The following ZNF804B variants were observed in gnomAD, a reference collection of about 807,000 sequenced individuals.
ZNF804B encodes zinc finger 804B.
A neutral mutation model predicts 101.4 loss-of-function variants in ZNF804B; 80 were observed. The ratio of observed to expected loss-of-function variants is 0.79; its 90% CI spans 0.66 to 0.95. The LOEUF (loss-of-function observed/expected upper bound fraction) is 0.95, where lower values mean the gene tolerates loss of function less well. Among genes scored for constraint, ZNF804B ranks in the 40% least tolerant of loss-of-function variants. The pLI is 0.00. For missense variants in ZNF804B, 1,673 were observed against 1,561.9 expected, an observed-to-expected ratio of 1.07 and a Z score of -1.20; for synonymous variants, 622 against 558.8, an observed-to-expected ratio of 1.11 and a Z score of -1.59.
intron 1 of ZNF804B, among the ~76,000 whole-genome samples, chr7:88,798,071 G>T (rs3814994): frequency 0.53 from 80,097 of 151,770 alleles, 25,137 homozygotes; most frequent in African/African-American, 0.86. Flanking sequence ...TTTTTTAAGA[G>T]TTCTATTTCC....
intron 1 of ZNF804B, among the ~76,000 whole-genome samples, chr7:88,890,301 TCA>T (rs1792197309): frequency 6.6e-6 from 1 of 152,156 alleles, no homozygotes. Flanking sequence ...AGTAAAGTGT[TCA>T]AACAATTTTT....
At chr7:88,884,770 C>T (rs948039675) in intron 1 of ZNF804B, among the ~76,000 whole-genome samples, 1 of 151,590 alleles carries the variant, frequency 6.6e-6, no homozygotes, top group Admixed American at 6.6e-5. Flanking sequence ...AAAATTAAAG[C>T]TTATGAGAAA....
chr7:89,055,048 G>A (rs968439338), intron 1 of ZNF804B, among the ~76,000 whole-genome samples: 6 of 152,210 alleles, frequency 3.9e-5, no homozygotes, highest in African/African-American at 1.4e-4. Flanking sequence ...TATAAACAGA[G>A]TAATGAGTTA....
chr7:89,230,304 A>G (rs1789169825), intron 2 of ZNF804B, among the ~76,000 whole-genome samples: 2 of 73,392 alleles, frequency 2.7e-5, no homozygotes, highest in Admixed American at 2.4e-4. Flanking sequence ...AGACATGGGG[A>G]GGGGGAGAGA....
intron 1 of ZNF804B, among the ~76,000 whole-genome samples, chr7:89,032,144 A>G (rs1788846561): frequency 6.6e-6 from 1 of 152,088 alleles, no homozygotes; most frequent in African/African-American, 2.4e-5. Context: ...GGATTAGTTA[A>G]TCTTTTGCAA....
At chr7:89,284,242 G>A (rs1038934817) in intron 2 of ZNF804B, among the ~76,000 whole-genome samples, 7 of 152,310 alleles carry the variant, frequency 4.6e-5, no homozygotes, top group African/African-American at 1.7e-4. Context: ...ACTTAAAAAT[G>A]CCTTGTGATG....
At chr7:89,157,442 A>T (rs1790994661) in intron 1 of ZNF804B, among the ~76,000 whole-genome samples, 1 of 152,164 alleles carries the variant, frequency 6.6e-6, no homozygotes, top group Admixed American at 6.6e-5. Flanking sequence ...TCTTTGGTGA[A>T]CATATTGTCA....
chr7:88,932,540 C>T (rs149771136), intron 1 of ZNF804B, among the ~76,000 whole-genome samples: 1 of 151,692 alleles, frequency 6.6e-6, no homozygotes, highest in East Asian at 1.9e-4. Context: ...TCCAAATGAG[C>T]TCAATTAAAA....
chr7:88,954,561 C>CCA (rs937429559), intron 1 of ZNF804B, among the ~76,000 whole-genome samples: 1 of 150,462 alleles, frequency 6.6e-6, no homozygotes, highest in Non-Finnish European at 1.5e-5. Flanking sequence ...ACATGCCCCC[C>CCA]CCCCACCACG....
intron 1 of ZNF804B, among the ~76,000 whole-genome samples, chr7:88,994,718 T>A (rs953134884): frequency 6.6e-6 from 1 of 152,114 alleles, no homozygotes; most frequent in African/African-American, 2.4e-5. Context: ...CATCATAGAT[T>A]TGATGCTACA....
intron 2 of ZNF804B, among the ~76,000 whole-genome samples, chr7:89,278,583 C>T (rs1584100490): frequency 6.6e-6 from 1 of 151,994 alleles, no homozygotes; most frequent in African/African-American, 2.4e-5. Context: ...AGCTAGTTTT[C>T]CCAGCACCAT....
intron 1 of ZNF804B, among the ~76,000 whole-genome samples, chr7:89,185,124 A>T (rs530580558): frequency 1.8e-4 from 28 of 152,178 alleles, no homozygotes; most frequent in Non-Finnish European, 4.0e-4. Context: ...ATATTTAAAG[A>T]TAGCAATTAG....
intron 1 of ZNF804B, among the ~76,000 whole-genome samples, chr7:88,988,399 T>A (rs1357807774): frequency 1.3e-5 from 2 of 152,144 alleles, no homozygotes; most frequent in Non-Finnish European, 2.9e-5. Context: ...GATGTGCTGC[T>A]CTATTTTGCA....
intron 2 of ZNF804B, among the ~76,000 whole-genome samples, chr7:89,314,616 C>G (rs150048919): frequency 1.3e-5 from 2 of 152,134 alleles, no homozygotes; most frequent in Non-Finnish European, 2.9e-5. Flanking sequence ...CTTTTCCAAA[C>G]TTAAATAATA....
intron 1 of ZNF804B, among the ~76,000 whole-genome samples, chr7:88,830,239 T>A (rs1791111211): frequency 6.6e-6 from 1 of 152,132 alleles, no homozygotes; most frequent in Admixed American, 6.6e-5. Flanking sequence ...AATTAAAATG[T>A]TTATGTTGAT....
At chr7:88,778,810 T>C (rs1158637628) in intron 1 of ZNF804B, among the ~76,000 whole-genome samples, 1 of 152,202 alleles carries the variant, frequency 6.6e-6, no homozygotes, top group East Asian at 1.9e-4. Flanking sequence ...TTGTACTAGC[T>C]GGTGGAGCCG....
chr7:89,285,796 A>T, intron 2 of ZNF804B, among the ~76,000 whole-genome samples: 1 of 152,112 alleles, frequency 6.6e-6, no homozygotes, highest in Non-Finnish European at 1.5e-5. Context: ...ATGCTTTTAA[A>T]CCTCAAGTCT....
intron 1 of ZNF804B, among the ~76,000 whole-genome samples, chr7:89,064,881 C>T (rs1323203403): frequency 6.6e-6 from 1 of 152,140 alleles, no homozygotes; most frequent in Non-Finnish European, 1.5e-5. Context: ...CTGCATCACA[C>T]TAGCTTCACT....
chr7:88,823,575 G>A (rs75966838), intron 1 of ZNF804B, among the ~76,000 whole-genome samples: 5,934 of 152,098 alleles, frequency 0.039, 406 homozygotes, highest in African/African-American at 0.14. Context: ...CATAGATGGT[G>A]GGAAGGAAGG....
Sources: allele counts gnomAD v4.1 joint callset (sites outside exome capture counted in the v4.1 genomes callset), GRCh38; gene constraint gnomAD v4.1.1; transcripts MANE v1.5; gene names NCBI Gene and HGNC (gene_info 2026-07-23, HGNC 2026-07-21).